KIF15: variants seen among roughly 807,000 people sequenced by gnomAD.
KIF15 encodes kinesin-like protein KIF15.
KIF15 carries 140 observed loss-of-function variants against 190.6 expected under a neutral mutation model. The observed-to-expected ratio is 0.73, with a 90% CI of 0.64 to 0.84. The LOEUF is 0.84. Among genes scored for constraint, KIF15 ranks in the 40% least tolerant of loss-of-function variants. The pLI is 0.00. For missense variants in KIF15, 1,372 were observed against 1,584.4 expected, an observed-to-expected ratio of 0.87 and a Z score of 2.28; for synonymous variants, 528 against 551.3, an observed-to-expected ratio of 0.96 and a Z score of 0.59.
chr3:44,819,470 A>C (rs1325321385), intron 20 of KIF15, among the ~76,000 whole-genome samples: 1 of 152,206 alleles, frequency 6.6e-6, no homozygotes, highest in Admixed American at 6.5e-5. Flanking sequence ...ATTTCAAAGA[A>C]CATCTTTATT....
intron 26 of KIF15, among the ~76,000 whole-genome samples, chr3:44,837,297 A>G (rs1200363183): frequency 1.3e-5 from 2 of 152,238 alleles, no homozygotes; most frequent in African/African-American, 4.8e-5. Context: ...GTAGTCTGGT[A>G]ATACATAGCC....
intron 6 of KIF15, among the ~76,000 whole-genome samples, chr3:44,866,775 C>T (rs1024241362): frequency 5.3e-5 from 8 of 152,214 alleles, no homozygotes; most frequent in East Asian, 3.9e-4. Flanking sequence ...AGTTCTCTTC[C>T]GCAATGACTC....
At chr3:44,839,850 G>T (rs1025964657) in intron 27 of KIF15, among the ~76,000 whole-genome samples, 55 of 152,300 alleles carry the variant, frequency 3.6e-4, no homozygotes, top group African/African-American at 1.2e-3. Flanking sequence ...ACAAATGACA[G>T]AATTTGCTTC....
intron 8 of KIF15, 45 bp from the exon 9 acceptor site, chr3:44,797,506 T>C (rs1707044860): frequency 6.3e-7 from 1 of 1,599,972 alleles, no homozygotes. Context: ...TACCAAAGAG[T>C]AACCAACGTA....
chr3:44,772,873 G>A (rs1049306498), intron 1 of KIF15, among the ~76,000 whole-genome samples: 1 of 152,156 alleles, frequency 6.6e-6, no homozygotes, highest in Non-Finnish European at 1.5e-5. Context: ...GTGCTTCCAA[G>A]GACATAAAAC....
intron 6 of KIF15, among the ~76,000 whole-genome samples, chr3:44,867,484 T>G (rs1699333628): frequency 6.6e-6 from 1 of 152,196 alleles, no homozygotes; most frequent in Non-Finnish European, 1.5e-5. Flanking sequence ...TAGCTGGTGG[T>G]CGGCCTCCCT....
intron 1 of KIF15, 90 bp downstream of exon 1, chr3:44,761,974 T>G: frequency 6.5e-7 from 1 of 1,536,704 alleles, no homozygotes; most frequent in East Asian, 2.2e-5. Flanking sequence ...CGCAAGGTTC[T>G]TGCTAGGCAT....
chr3:44,769,836 C>G (rs1183759152), intron 1 of KIF15, among the ~76,000 whole-genome samples: 1 of 152,176 alleles, frequency 6.6e-6, no homozygotes, highest in African/African-American at 2.4e-5. Context: ...CTGTGACACA[C>G]CCAGATAACT....
At chr3:44,815,620 A>G (rs1380074513) in intron 20 of KIF15, among the ~76,000 whole-genome samples, 1 of 152,234 alleles carries the variant, frequency 6.6e-6, no homozygotes, top group Non-Finnish European at 1.5e-5. Flanking sequence ...CCAAAACAAT[A>G]GTCTTCACTG....
At chr3:44,859,499 T>C (rs897756865) in intron 6 of KIF15, among the ~76,000 whole-genome samples, 2 of 151,860 alleles carry the variant, frequency 1.3e-5, no homozygotes, top group African/African-American at 4.8e-5. Flanking sequence ...ATCCTGTCTA[T>C]ACAAAAAATA....
Position 44,805,892 on chromosome 3 carries a change from C to G in KIF15, c.1877C>G (p.Ala626Gly), listed in dbSNP as rs761679345. 6.2e-7 allele frequency: 1 copy of G among 1,614,044 alleles called. No individual in the cohort carries two copies. Among genetic ancestry groups the G allele is most frequent in the Non-Finnish European group, 8.5e-7 (1 of 1,179,968 alleles). The change falls in exon 16 of 35, where the codon GCG (alanine) becomes GGG (glycine). Residue 626 changes from alanine (A) to glycine (G), a missense_variant. By Grantham distance (60) the Ala-to-Gly change is moderately conservative. Transcript: ENST00000326047. ...LESELQSLQK[A>G]NLNLENLLEA... ...TCAGAGCTTCAGTCTTTGCAAAAAG[C>G]GAACCTTAATCTTGAAAACCTTTTG...
chr3:44,820,053 G>C (rs1708194258), intron 20 of KIF15, among the ~76,000 whole-genome samples: 1 of 152,168 alleles, frequency 6.6e-6, no homozygotes, highest in Non-Finnish European at 1.5e-5. Flanking sequence ...TTTTATCAGA[G>C]ACTAGGATTG....
chr3:44,815,212 A>T, intron 20 of KIF15, 136 bp downstream of exon 20: 1 of 727,772 alleles, frequency 1.4e-6, no homozygotes, highest in Non-Finnish European at 2.1e-6. Flanking sequence ...CAATATTGGA[A>T]GCCCCAGAGG....
chr3:44,832,780 C>T (rs111848056), intron 26 of KIF15, among the ~76,000 whole-genome samples: 1,778 of 151,892 alleles, frequency 0.012, 31 homozygotes, highest in African/African-American at 0.039. Context: ...TTTGGGAGGC[C>T]GAGGCGGGTG....
At chr3:44,849,859 G>A (rs2125730408) in intron 32 of KIF15, among the ~76,000 whole-genome samples, 1 of 152,050 alleles carries the variant, frequency 6.6e-6, no homozygotes. Flanking sequence ...TAAATTTACT[G>A]GAAATTTTTA....
rs759254088 is a variant in KIF15 at position 44,761,825 on chromosome 3, C to A, written c.-41C>A. On this transcript the variant is annotated 5_prime_UTR_variant, in exon 1 of 35. Transcript: ENST00000326047. Reference sequence around the variant, plus strand: ...GCGCGGTGCAGTCGGGAGGTGGAGGCACCGGCTGCATTGTTTTCGGGATCG... The same window carrying A: ...GCGCGGTGCAGTCGGGAGGTGGAGGAACCGGCTGCATTGTTTTCGGGATCG... 1 of 1,613,988 alleles carries A rather than the reference C, an allele frequency of 6.2e-7. No homozygotes were observed. Among genetic ancestry groups the A allele is most frequent in the Non-Finnish European group, 8.5e-7 (1 of 1,179,874 alleles).
At chr3:44,845,891 G>C (rs1027819395) in intron 30 of KIF15, among the ~76,000 whole-genome samples, 4 of 152,158 alleles carry the variant, frequency 2.6e-5, no homozygotes, top group African/African-American at 9.7e-5. Flanking sequence ...CTGAGCTTCT[G>C]TGACCCGTGA....
At chr3:44,764,422 T>C (rs991678069) in intron 1 of KIF15, among the ~76,000 whole-genome samples, 5 of 152,212 alleles carry the variant, frequency 3.3e-5, no homozygotes, top group Non-Finnish European at 5.9e-5. Flanking sequence ...TCCATCATTG[T>C]ATGTAGCAGC....
At position 44,775,403 on chromosome 3, in the gene KIF15, C is replaced by A. The variant is rs375356443; in HGVS notation, c.212C>A (p.Thr71Lys). ...TCCAACCCTGAGCCCAAGACCTTCA[C>A]GTTTGATCATGTTGCAGATGTGGAT... ...LHSNPEPKTF[T>K]FDHVADVDTT... Residue 71 changes from threonine to lysine, a missense_variant, in exon 3 of 35, where the codon ACG becomes AAG. By Grantham distance (78) the Thr-to-Lys change is moderately conservative. Transcript: ENST00000326047. 6.2e-7 allele frequency: 1 copy of A among 1,612,958 alleles called. No homozygotes were observed. Among genetic ancestry groups the A allele is most frequent in the Non-Finnish European group, 8.5e-7 (1 of 1,179,544 alleles).
Sources: allele counts gnomAD v4.1 joint callset (sites outside exome capture counted in the v4.1 genomes callset), GRCh38; gene constraint gnomAD v4.1.1; transcripts MANE v1.5; gene names NCBI Gene and HGNC (gene_info 2026-07-23, HGNC 2026-07-21).